The following NR6A1 variants were observed in gnomAD, a reference collection of about 807,000 sequenced individuals.
NR6A1 encodes the protein retinoic acid receptor-related testis-associated receptor.
In NR6A1, 7 loss-of-function variants were observed where a neutral mutation model predicts 59.1. That is an observed-to-expected ratio of 0.12 (90% confidence interval 0.07 to 0.22). NR6A1 has a LOEUF of 0.22. Ranked by LOEUF, NR6A1 falls within the 10% of genes least tolerant of loss-of-function variation. The pLI, the probability that NR6A1 is intolerant of heterozygous loss-of-function variation, is 1.00. For missense variants in NR6A1, 468 were observed against 611.6 expected (o/e 0.77, Z 2.48); for synonymous variants, 243 against 236.1 (o/e 1.03, Z -0.27).
At chr9:124,764,348 TC>T (rs1840869719) in intron 1 of NR6A1, among the ~76,000 whole-genome samples, 1 of 152,188 alleles carries the variant, frequency 6.6e-6, no homozygotes, top group Non-Finnish European at 1.5e-5. Flanking sequence ...TCACAGGAAA[TC>T]TAATCAATCA....
intron 1 of NR6A1, among the ~76,000 whole-genome samples, chr9:124,738,469 A>G (rs910584969): frequency 6.6e-6 from 1 of 152,220 alleles, no homozygotes; most frequent in Non-Finnish European, 1.5e-5. Flanking sequence ...ATTGGTTCCT[A>G]AGATGATATC....
intron 2 of NR6A1, among the ~76,000 whole-genome samples, chr9:124,708,835 C>T (rs1397237861): frequency 1.1e-4 from 17 of 152,298 alleles, no homozygotes; most frequent in African/African-American, 4.1e-4. Flanking sequence ...TTACAGCTGG[C>T]CTTGGTCACT....
At chr9:124,688,820 A>T (rs548851012) in intron 2 of NR6A1, among the ~76,000 whole-genome samples, 2 of 152,236 alleles carry the variant, frequency 1.3e-5, no homozygotes, top group South Asian at 4.1e-4. Context: ...GTGTTTATGT[A>T]CATGTATTTA....
At chr9:124,646,286 T>C (rs927685502) in intron 2 of NR6A1, among the ~76,000 whole-genome samples, 2 of 151,648 alleles carry the variant, frequency 1.3e-5, no homozygotes, top group Non-Finnish European at 2.9e-5. Context: ...AGGGAAGCAA[T>C]AAAGAAAATT....
chr9:124,547,963 C>T (rs7041726), intron 3 of NR6A1, among the ~76,000 whole-genome samples: 16,858 of 152,022 alleles, frequency 0.11, 2,457 homozygotes, highest in African/African-American at 0.33. Flanking sequence ...TAAGATAGTA[C>T]TGTGTCAGGT....
At chr9:124,615,080 A>G (rs1835851054) in intron 2 of NR6A1, among the ~76,000 whole-genome samples, 1 of 152,220 alleles carries the variant, frequency 6.6e-6, no homozygotes, top group Non-Finnish European at 1.5e-5. Context: ...AGTTAATACA[A>G]AGTTGGAGAG....
chr9:124,731,268 G>T (rs1293012678), intron 2 of NR6A1, among the ~76,000 whole-genome samples: 3 of 151,874 alleles, frequency 2.0e-5, no homozygotes, highest in Admixed American at 1.3e-4. Flanking sequence ...TACTCCGGAG[G>T]CTGATGCAGA....
rs113771068 is a variant in NR6A1 at position 124,524,890 on chromosome 9, A to ACAC, written c.1202-18_1202-17insGTG. 6.3e-7 allele frequency: 1 copy of ACAC among 1,582,390 alleles called. No individual in the cohort carries two copies. Among genetic ancestry groups the ACAC allele is most frequent in the African/African-American group, 1.4e-5 (1 of 73,018 alleles). Reference sequence around the variant, plus strand: ...CCCTGATATCTGTGGAAAAAAAAAAAACACACACACACATACAGGGAATGG... The same window carrying ACAC: ...CCCTGATATCTGTGGAAAAAAAAAAACACACACACACACACATACAGGGAATGG... On this transcript the variant is annotated splice_polypyrimidine_tract_variant and intron_variant, in intron 8 of 9. Coordinates refer to ENST00000487099, the MANE Select transcript of NR6A1 (RefSeq NM_033334.4).
At chr9:124,758,672 A>C (rs1319152255) in intron 1 of NR6A1, among the ~76,000 whole-genome samples, 3 of 152,244 alleles carry the variant, frequency 2.0e-5, no homozygotes, top group Non-Finnish European at 4.4e-5. Flanking sequence ...AGGCAGACTC[A>C]AAGAATGAAA....
At chr9:124,595,937 AGTTCAG>A in intron 2 of NR6A1, 1 of 591,132 alleles carries the variant, frequency 1.7e-6, no homozygotes, top group Non-Finnish European at 2.7e-6. Context: ...GTGATTGCAA[AGTTCAG>A]GCTCTAAGGT....
intron 2 of NR6A1, among the ~76,000 whole-genome samples, chr9:124,657,804 G>C (rs571486722): frequency 6.6e-6 from 1 of 152,124 alleles, no homozygotes; most frequent in African/African-American, 2.4e-5. Flanking sequence ...TCACAAAGGG[G>C]ATAAAAAGAC....
intron 2 of NR6A1, among the ~76,000 whole-genome samples, chr9:124,636,847 A>T (rs1179932220): frequency 6.6e-6 from 1 of 152,170 alleles, no homozygotes; most frequent in Non-Finnish European, 1.5e-5. Flanking sequence ...TAACATGATG[A>T]GATCTGCCAT....
In NR6A1 at chr9:124,522,556, GACAA is replaced by G. The variant is rs758035267; in HGVS notation, c.*145_*148del. ...ATAGAAAAATGAGGTTAAAAAAACA[GACAA>G]ACAAACAAAAACTCTTCTTGCTATG... is the stretch of plus-strand genomic sequence containing the variant. On this transcript the variant is annotated 3_prime_UTR_variant, in exon 10 of 10. Transcript: ENST00000487099. 28 of 533,210 alleles carry G rather than the reference GACAA, an allele frequency of 5.3e-5. No homozygotes were observed. The highest frequency in any genetic ancestry group is 1.2e-4 in the East Asian group (4 of 32,052). 33.0% of individuals were successfully genotyped at this position (533,210 alleles called of 1,614,324 possible).
At chr9:124,533,587 T>A (rs1833160714) in intron 7 of NR6A1, among the ~76,000 whole-genome samples, 1 of 151,986 alleles carries the variant, frequency 6.6e-6, no homozygotes, top group Non-Finnish European at 1.5e-5. Context: ...GGGAGATGGA[T>A]CCCAGTTCTG....
At chr9:124,573,567 G>A (rs957315162) in intron 2 of NR6A1, among the ~76,000 whole-genome samples, 3 of 152,118 alleles carry the variant, frequency 2.0e-5, no homozygotes, top group African/African-American at 7.2e-5. Flanking sequence ...GCCAACATTC[G>A]TGTTCCCTTT....
chr9:124,724,456 G>C (rs1276294014), intron 2 of NR6A1, among the ~76,000 whole-genome samples: 2 of 148,196 alleles, frequency 1.3e-5, no homozygotes, highest in Non-Finnish European at 3.0e-5. Flanking sequence ...CAGCTAAAAA[G>C]CTTCTAATAT....
At chr9:124,617,275 G>T (rs960080923) in intron 2 of NR6A1, among the ~76,000 whole-genome samples, 2 of 152,190 alleles carry the variant, frequency 1.3e-5, no homozygotes, top group Non-Finnish European at 2.9e-5. Flanking sequence ...AAGATTCCCG[G>T]GTGGCCCTTA....
intron 2 of NR6A1, among the ~76,000 whole-genome samples, chr9:124,589,827 G>A (rs944615638): frequency 1.3e-5 from 2 of 152,016 alleles, no homozygotes; most frequent in Admixed American, 1.3e-4. Context: ...ACCACTTTGG[G>A]AGGCCAAGGC....
At chr9:124,623,367 TATTTA>T (rs1385778891) in intron 2 of NR6A1, among the ~76,000 whole-genome samples, 1 of 151,956 alleles carries the variant, frequency 6.6e-6, no homozygotes, top group Non-Finnish European at 1.5e-5. Flanking sequence ...TATTATTATT[TATTTA>T]TTTATTTGAG....
Sources: allele counts gnomAD v4.1 joint callset (sites outside exome capture counted in the v4.1 genomes callset), GRCh38; gene constraint gnomAD v4.1.1; transcripts MANE v1.5; gene names NCBI Gene and HGNC (gene_info 2026-07-23, HGNC 2026-07-21).